Variants in WDFY4 observed in about 807,000 individuals in gnomAD.
WDFY4 encodes the protein WD repeat- and FYVE domain-containing protein 4.
A neutral mutation model predicts 351.9 loss-of-function variants in WDFY4; 169 were observed. The observed-to-expected ratio is 0.48, with a 90% CI of 0.42 to 0.55. WDFY4 has a LOEUF of 0.55. Among genes scored for constraint, WDFY4 ranks in the 20% least tolerant of loss-of-function variants. The pLI is 0.00. For missense variants in WDFY4, 3,803 were observed against 3,935.6 expected (o/e 0.97, Z 0.90); for synonymous variants, 1,622 against 1,574.6 (o/e 1.03, Z -0.71).
At chr10:48,819,174 G>A (rs773465158) in intron 32 of WDFY4, among the ~76,000 whole-genome samples, 11 of 152,172 alleles carry the variant, frequency 7.2e-5, no homozygotes, top group East Asian at 1.9e-4. Context: ...CCAGCTGATC[G>A]CGGGCGAGGT....
chr10:48,967,290 G>C (rs1437762296), intron 55 of WDFY4: 4 of 152,246 alleles, frequency 2.6e-5, no homozygotes, highest in African/African-American at 9.6e-5. Flanking sequence ...TGCTACTACA[G>C]ATTTGTATTG....
intron 1 of WDFY4, among the ~76,000 whole-genome samples, chr10:48,687,368 C>T (rs1589383481): frequency 6.6e-6 from 1 of 151,926 alleles, no homozygotes; most frequent in Non-Finnish European, 1.5e-5. Context: ...TAAGTTTATC[C>T]ACCTGTCGCT....
At chr10:48,729,092 T>C (rs2064367724) in intron 7 of WDFY4, among the ~76,000 whole-genome samples, 1 of 152,242 alleles carries the variant, frequency 6.6e-6, no homozygotes, top group Admixed American at 6.5e-5. Context: ...GTTGCAATGT[T>C]GAACTATTAT....
intron 47 of WDFY4, among the ~76,000 whole-genome samples, chr10:48,925,229 G>C (rs1034194703): frequency 6.6e-6 from 1 of 152,150 alleles, no homozygotes; most frequent in Non-Finnish European, 1.5e-5. Context: ...GTGACCTCCC[G>C]AGTGGCTTCA....
chr10:48,829,177 A>G (rs2068107061), intron 37 of WDFY4, among the ~76,000 whole-genome samples: 1 of 152,200 alleles, frequency 6.6e-6, no homozygotes, highest in African/African-American at 2.4e-5. Context: ...ATAGGTGAAG[A>G]GAAAGCTCCA....
At chr10:48,892,506 A>G (rs976440925) in intron 44 of WDFY4, among the ~76,000 whole-genome samples, 6 of 152,224 alleles carry the variant, frequency 3.9e-5, no homozygotes, top group African/African-American at 1.2e-4. Context: ...TCAAAGAAGC[A>G]TTTGTTAATC....
intron 47 of WDFY4, among the ~76,000 whole-genome samples, chr10:48,938,736 T>G (rs1164058905): frequency 6.6e-6 from 1 of 152,058 alleles, no homozygotes; most frequent in Non-Finnish European, 1.5e-5. Flanking sequence ...AGGACAGAGA[T>G]TTGGTTAAAA....
chr10:48,902,711 A>G (rs1837418639), intron 47 of WDFY4, among the ~76,000 whole-genome samples: 1 of 152,058 alleles, frequency 6.6e-6, no homozygotes, highest in Non-Finnish European at 1.5e-5. Context: ...TATAAAGCAT[A>G]TTAGATAATT....
intron 32 of WDFY4, among the ~76,000 whole-genome samples, chr10:48,818,975 G>C (rs549746182): frequency 6.6e-6 from 1 of 152,284 alleles, no homozygotes; most frequent in South Asian, 2.1e-4. Context: ...GGGGTCCAGC[G>C]GCCTAACATT....
chr10:48,920,465 A>G (rs1036235284), intron 47 of WDFY4, among the ~76,000 whole-genome samples: 4 of 152,206 alleles, frequency 2.6e-5, no homozygotes, highest in Admixed American at 6.5e-5. Flanking sequence ...ATGTATACAT[A>G]TGTAACTAAC....
At chr10:48,931,489 T>G (rs2940726) in intron 47 of WDFY4, among the ~76,000 whole-genome samples, 1 of 152,070 alleles carries the variant, frequency 6.6e-6, no homozygotes, top group Admixed American at 6.5e-5. Context: ...CGTGGCCTGT[T>G]GTGAGAGGGT....
chr10:48,796,532 G>A, intron 24 of WDFY4, 82 bp downstream of exon 24: 1 of 1,474,590 alleles, frequency 6.8e-7, no homozygotes, highest in Non-Finnish European at 9.0e-7. Context: ...CCTAAACCTA[G>A]CATGTCAGCT....
At chr10:48,828,689 A>G (rs556611667) in intron 36 of WDFY4, 89 bp from the exon 37 acceptor site, 1 of 738,790 alleles carries the variant, frequency 1.4e-6, no homozygotes, top group Non-Finnish European at 2.1e-6. Context: ...TAATTATTGG[A>G]GGATGATTAT....
chr10:48,762,016 A>G (rs1016152763), intron 13 of WDFY4, among the ~76,000 whole-genome samples: 7 of 152,212 alleles, frequency 4.6e-5, no homozygotes, highest in Non-Finnish European at 1.0e-4. Context: ...GGTCTTCCCT[A>G]TACATAGAAG....
intron 40 of WDFY4, among the ~76,000 whole-genome samples, chr10:48,873,183 G>T (rs927362523): frequency 6.6e-6 from 1 of 152,234 alleles, no homozygotes; most frequent in Non-Finnish European, 1.5e-5. Context: ...CCATGCTGAT[G>T]AGCTGCTACA....
At chr10:48,886,504 G>A (rs916094861) in intron 43 of WDFY4, among the ~76,000 whole-genome samples, 5 of 152,170 alleles carry the variant, frequency 3.3e-5, no homozygotes, top group Non-Finnish European at 7.3e-5. Flanking sequence ...ATTATTATGG[G>A]AGTGGGATCC....
At chr10:48,912,499 A>C (rs1838096658) in intron 47 of WDFY4, among the ~76,000 whole-genome samples, 1 of 152,184 alleles carries the variant, frequency 6.6e-6, no homozygotes. Flanking sequence ...CACATCCACG[A>C]CTGGGATCTC....
At chr10:48,891,608 A>G (rs1836805071) in intron 44 of WDFY4, among the ~76,000 whole-genome samples, 1 of 152,212 alleles carries the variant, frequency 6.6e-6, no homozygotes, top group African/African-American at 2.4e-5. Context: ...GTCGCTCTCA[A>G]ACTAGCTGAC....
rs138247415 is a variant in WDFY4 at position 48,723,322 on chromosome 10, G to A, written c.457-111G>A. 4.5e-5 allele frequency: 61 copies of A among 1,349,300 alleles called. No homozygotes were observed. The African/African-American group carries it at 7.5e-4, about 17-fold the overall frequency. 83.6% of individuals were successfully genotyped at this position (1,349,300 alleles called of 1,614,324 possible). A position where few individuals can be genotyped will look rare whatever the true frequency, so the allele number is the denominator to read the frequency against. On this transcript the variant is annotated intron_variant, in intron 4 of 61. Transcript: ENST00000325239. ...TCACACTTGAGGACTGGAGCCCAGA[G>A]GGACTGTCCCATGGCCTCACTGAAA...
Sources: allele counts gnomAD v4.1 joint callset (sites outside exome capture counted in the v4.1 genomes callset), GRCh38; gene constraint gnomAD v4.1.1; transcripts MANE v1.5; gene names NCBI Gene and HGNC (gene_info 2026-07-23, HGNC 2026-07-21).